The following NFKB1 variants were observed in gnomAD, a reference collection of about 807,000 sequenced individuals.
The protein encoded by NFKB1 is nuclear factor NF-kappa-B p105 subunit.
Under a neutral mutation model 105.1 loss-of-function variants are expected in NFKB1, and 9 were observed. The ratio of observed to expected loss-of-function variants is 0.09; its 90% CI spans 0.05 to 0.15. NFKB1 has a LOEUF of 0.15. NFKB1 is among the 10% of genes least tolerant of loss of function. The pLI is 1.00. For missense variants in NFKB1, 830 were observed against 1,203.7 expected, an observed-to-expected ratio of 0.69 and a Z score of 4.59; for synonymous variants, 440 against 442.2, an observed-to-expected ratio of 1.00 and a Z score of 0.06.
chr4:102,570,497 A>G (rs551420271), intron 6 of NFKB1, among the ~76,000 whole-genome samples: 3 of 152,194 alleles, frequency 2.0e-5, no homozygotes, highest in Admixed American at 6.5e-5. Flanking sequence ...TGTCTTTGCT[A>G]TTGTGGATAC....
intron 2 of NFKB1, among the ~76,000 whole-genome samples, 189 bp downstream of exon 2, chr4:102,525,746 C>T (rs968522406): frequency 4.6e-5 from 7 of 152,110 alleles, no homozygotes; most frequent in Admixed American, 2.0e-4. Flanking sequence ...AACTTACACC[C>T]GCTTTCACAC....
chr4:102,561,265 C>CTTT (rs551312422), intron 5 of NFKB1, among the ~76,000 whole-genome samples: 8 of 138,276 alleles, frequency 5.8e-5, no homozygotes, highest in East Asian at 2.1e-4. Context: ...TCTTTCTTTC[C>CTTT]TTTTTTTTTT....
At chr4:102,513,899 C>G (rs922398117) in intron 1 of NFKB1, among the ~76,000 whole-genome samples, 1 of 152,092 alleles carries the variant, frequency 6.6e-6, no homozygotes, top group East Asian at 1.9e-4. Context: ...CTGGGCCGGG[C>G]GCGGTGGCTC....
intron 5 of NFKB1, among the ~76,000 whole-genome samples, chr4:102,549,657 T>A (rs1722423418): frequency 6.6e-6 from 1 of 152,050 alleles, no homozygotes; most frequent in Admixed American, 6.6e-5. Context: ...CTTGGATGTC[T>A]GGTAGACTTA....
At chr4:102,596,438 T>G in intron 14 of NFKB1, 106 bp downstream of exon 14, 1 of 874,876 alleles carries the variant, frequency 1.1e-6, no homozygotes, top group Non-Finnish European at 1.6e-6. Context: ...ATATCTAGTT[T>G]AGTGTACTCT....
chr4:102,597,781 A>G, intron 15 of NFKB1, 120 bp downstream of exon 15: 1 of 1,180,374 alleles, frequency 8.5e-7, no homozygotes, highest in Non-Finnish European at 1.2e-6. Context: ...TCTAACTGGA[A>G]TGATGAAGAA....
At chr4:102,548,482 T>C (rs1722312429) in intron 5 of NFKB1, among the ~76,000 whole-genome samples, 1 of 152,132 alleles carries the variant, frequency 6.6e-6, no homozygotes. Flanking sequence ...TGAGCCCTGC[T>C]TTAGGTATGA....
chr4:102,582,380 C>T (rs906656820), intron 9 of NFKB1, among the ~76,000 whole-genome samples: 1 of 152,126 alleles, frequency 6.6e-6, no homozygotes, highest in Non-Finnish European at 1.5e-5. Context: ...AATAATAGTA[C>T]CCATCTACAT....
chr4:102,504,960 T>C (rs965773596), intron 1 of NFKB1, among the ~76,000 whole-genome samples: 1 of 152,208 alleles, frequency 6.6e-6, no homozygotes, highest in Non-Finnish European at 1.5e-5. Context: ...CCAAGCCTTT[T>C]ATCTTTGTAG....
chr4:102,591,317 G>T (rs1367051021), intron 11 of NFKB1, among the ~76,000 whole-genome samples: 7 of 151,568 alleles, frequency 4.6e-5, no homozygotes, highest in Non-Finnish European at 8.8e-5. Flanking sequence ...ACTCTCAGGA[G>T]GTTGAGGTGG....
chr4:102,522,875 T>C (rs1377708951), intron 1 of NFKB1, among the ~76,000 whole-genome samples: 2 of 152,226 alleles, frequency 1.3e-5, no homozygotes, highest in African/African-American at 4.8e-5. Flanking sequence ...TATTCAGTAC[T>C]GTATTTAAGT....
At position 102,597,525 on chromosome 4, in the gene NFKB1, C is replaced by G; in HGVS notation, c.1501C>G (p.Leu501Val). Residue 501 changes from leucine to valine, a missense_variant, in exon 15 of 24, where the codon CTC becomes GTC. Physicochemically the swap from Leu to Val is conservative, Grantham distance 32 (BLOSUM62 1). Transcript: ENST00000226574. The part of the protein sequence containing the change: ...KEESAGVQDN[L>V]FLEKAMQLAK... ...TTGTGGTCATTGCCTTACAGATAAC[C>G]TCTTTCTAGAGAAGGCTATGCAGCT... 1.2e-6 allele frequency: 2 copies of G among 1,610,434 alleles called. No homozygotes were observed. The highest frequency in any genetic ancestry group is 1.7e-4 in the Middle Eastern group (1 of 6,048).
intron 20 of NFKB1, among the ~76,000 whole-genome samples, chr4:102,611,678 C>T (rs886078914): frequency 1.3e-5 from 2 of 152,226 alleles, no homozygotes; most frequent in African/African-American, 4.8e-5. Context: ...GACAGCTTCA[C>T]AGCTCTGAGT....
intron 11 of NFKB1, among the ~76,000 whole-genome samples, chr4:102,591,901 A>G (rs558032094): frequency 2.6e-5 from 4 of 152,384 alleles, no homozygotes; most frequent in African/African-American, 7.2e-5. Context: ...CCCTGTGGAA[A>G]GGATTTACCA....
At chr4:102,503,470 C>T (rs964775176) in intron 1 of NFKB1, 3 of 151,942 alleles carry the variant, frequency 2.0e-5, no homozygotes, top group African/African-American at 4.8e-5. Flanking sequence ...CTTCTAAACT[C>T]TTTGAGACTT....
chr4:102,591,995 G>A (rs1037939416), intron 11 of NFKB1, among the ~76,000 whole-genome samples: 11 of 152,188 alleles, frequency 7.2e-5, no homozygotes, highest in Non-Finnish European at 1.0e-4. Context: ...AGCCCTCGTG[G>A]GTGACATTGA....
At chr4:102,512,434 G>A (rs894271736) in intron 1 of NFKB1, among the ~76,000 whole-genome samples, 8 of 152,038 alleles carry the variant, frequency 5.3e-5, no homozygotes, top group Non-Finnish European at 2.9e-5. Flanking sequence ...CTGCAGCCTC[G>A]ACTTCCTGGT....
rs67991697 is a variant in NFKB1, at chr4:102,520,682, TA to T, written c.-7-4819del. ...TTAAAAACTTTCAGAAATCAGCTTT[TA>T]AAAAAAAAAAGTAACTAAGCCATGA... On this transcript the variant is annotated intron_variant, in intron 1 of 23. Coordinates refer to ENST00000226574, the MANE Select transcript of NFKB1 (RefSeq NM_003998.4). 8.2e-3 allele frequency among the ~76,000 whole-genome samples: 1,212 copies of T among 147,648 alleles called. 16 individuals carry two copies. Among genetic ancestry groups the T allele is most frequent in the African/African-American group, 0.027 (1,113 of 40,528 alleles).
intron 1 of NFKB1, among the ~76,000 whole-genome samples, chr4:102,516,214 C>T (rs1048240958): frequency 2.6e-5 from 4 of 151,732 alleles, no homozygotes; most frequent in African/African-American, 9.7e-5. Context: ...AACAGTTTGG[C>T]TGTAATATGC....
Sources: allele counts gnomAD v4.1 joint callset (sites outside exome capture counted in the v4.1 genomes callset), GRCh38; gene constraint gnomAD v4.1.1; transcripts MANE v1.5; gene names NCBI Gene and HGNC (gene_info 2026-07-23, HGNC 2026-07-21).